The following TTC7B variants were observed in gnomAD, a reference collection of about 807,000 sequenced individuals.
The protein encoded by TTC7B is tetratricopeptide repeat domain 7B.
A neutral mutation model predicts 106.8 loss-of-function variants in TTC7B; 28 were observed. The observed-to-expected ratio is 0.26, with a 90% CI of 0.19 to 0.36. The LOEUF is 0.36. Ranked by LOEUF, TTC7B falls within the 10% of genes least tolerant of loss-of-function variation. The pLI is 1.00. For missense variants in TTC7B, 862 were observed against 1,076.4 expected, an observed-to-expected ratio of 0.80 and a Z score of 2.79; for synonymous variants, 405 against 430.6, an observed-to-expected ratio of 0.94 and a Z score of 0.74.
In TTC7B at chr14:90,757,284, A is replaced by G. The variant is rs1463643851; in HGVS notation, c.446-12362T>C. Among the ~76,000 whole-genome samples, 2 of 152,110 alleles carry G rather than the reference A, an allele frequency of 1.3e-5. No homozygotes were observed. Among genetic ancestry groups the G allele is most frequent in the African/African-American group, 4.8e-5 (2 of 41,414 alleles). ...ACCCGAAGTGATCTCAATGTTTCCA[A>G]AAATGAAAAGCAGTCCTGGCGCGGT... On this transcript the variant is annotated intron_variant, in intron 3 of 19. Transcript: ENST00000328459. The surrounding 1 kb of genome is among the most constrained non-coding windows in gnomAD (Gnocchi z 4.1).
chr14:90,762,314 T>G (rs1020819485), intron 3 of TTC7B, among the ~76,000 whole-genome samples: 2 of 152,210 alleles, frequency 1.3e-5, no homozygotes, highest in African/African-American at 4.8e-5. Context: ...GTGCCTCTGC[T>G]TGACCAAACC....
At position 90,534,919 on chromosome 14, in the gene TTC7B, T is replaced by A. The variant is rs1889380347; in HGVS notation, c.*6449A>T. 1 of 152,466 alleles carries A rather than the reference T, an allele frequency of 6.6e-6. No individual in the cohort carries two copies. The highest frequency in any genetic ancestry group is 1.9e-4 in the East Asian group (1 of 5,168). The allele number at this position is 152,466 out of a possible 1,614,324, so 9.4% of individuals were successfully genotyped here. On this transcript the variant is annotated 3_prime_UTR_variant, in exon 20 of 20. Coordinates refer to ENST00000328459, the MANE Select transcript of TTC7B (RefSeq NM_001010854.2). Reference sequence around the variant, plus strand: ...GCAGGCAGAGAGTCTGGGCCCGCAATGATGACTGTGTGGCCGCCGGGGAGA... The same window carrying A: ...GCAGGCAGAGAGTCTGGGCCCGCAAAGATGACTGTGTGGCCGCCGGGGAGA...
intron 5 of TTC7B, among the ~76,000 whole-genome samples, chr14:90,719,411 A>C (rs192738674): frequency 6.6e-6 from 1 of 152,370 alleles, no homozygotes; most frequent in Non-Finnish European, 1.5e-5. Flanking sequence ...CTGATTGATA[A>C]CTTGCAGCCA....
At chr14:90,555,279 C>T (rs138761036) in intron 19 of TTC7B, among the ~76,000 whole-genome samples, 19 of 152,196 alleles carry the variant, frequency 1.2e-4, no homozygotes, top group Non-Finnish European at 2.6e-4. Flanking sequence ...GTGACGCAGC[C>T]GACTTCCCTG....
At position 90,743,366 on chromosome 14, in the gene TTC7B, T is replaced by G. The variant is rs185526100; in HGVS notation, c.576+1426A>C. ...CACCAACACATGACAATATGATTTA[T>G]GAAAAAAAGTTACTTCCTGTCTGTT... On this transcript the variant is annotated intron_variant, in intron 4 of 19. Transcript: ENST00000328459. Among the ~76,000 whole-genome samples the G allele has an allele frequency of 3.9e-5, 6 of 152,204 alleles. No individual in the cohort carries two copies. The East Asian group carries it at 1.2e-3, about 29-fold the overall frequency.
At chr14:90,645,385 G>A (rs1490829029) in intron 14 of TTC7B, among the ~76,000 whole-genome samples, 1 of 152,214 alleles carries the variant, frequency 6.6e-6, no homozygotes, top group East Asian at 1.9e-4. Flanking sequence ...GTTACAGGGA[G>A]GAAGCTGAAG....
At chr14:90,795,172 A>G (rs1218484589) in intron 1 of TTC7B, among the ~76,000 whole-genome samples, 1 of 152,200 alleles carries the variant, frequency 6.6e-6, no homozygotes, top group East Asian at 1.9e-4. Flanking sequence ...TCCAGCCAAG[A>G]AAGAGTAATA....
intron 16 of TTC7B, among the ~76,000 whole-genome samples, chr14:90,611,850 A>G (rs1892889460): frequency 6.6e-6 from 1 of 152,192 alleles, no homozygotes; most frequent in South Asian, 2.1e-4. Flanking sequence ...GTATCGTGAT[A>G]TCCTATCAAA....
intron 2 of TTC7B, among the ~76,000 whole-genome samples, chr14:90,784,568 A>G (rs1389197618): frequency 6.6e-6 from 1 of 152,010 alleles, no homozygotes; most frequent in Non-Finnish European, 1.5e-5. Context: ...AAAAAAAAAA[A>G]ACATATGAGA....
At chr14:90,686,747 G>A (rs1287847331) in intron 7 of TTC7B, among the ~76,000 whole-genome samples, 3 of 152,148 alleles carry the variant, frequency 2.0e-5, no homozygotes. Flanking sequence ...AAAGAATAAT[G>A]CATATTTGCA....
intron 3 of TTC7B, among the ~76,000 whole-genome samples, chr14:90,770,213 T>A (rs933438540): frequency 6.6e-6 from 1 of 152,018 alleles, no homozygotes; most frequent in Non-Finnish European, 1.5e-5. Flanking sequence ...GTCAATACAG[T>A]AAGAAGATAC....
chr14:90,758,333 GGGCGGGGCGGGGCGC>G (rs1171175739), intron 3 of TTC7B, among the ~76,000 whole-genome samples: 2 of 147,282 alleles, frequency 1.4e-5, no homozygotes, highest in African/African-American at 5.0e-5. Flanking sequence ...CGGCGGGGCG[GGGCGGGGCGGGGCGC>G]GGCGGGGCGA....
intron 9 of TTC7B, among the ~76,000 whole-genome samples, chr14:90,667,339 G>A (rs549330760): frequency 5.3e-5 from 8 of 152,204 alleles, no homozygotes; most frequent in Non-Finnish European, 1.0e-4. Flanking sequence ...TGGAGACAAC[G>A]ACATAGCAGA....
intron 9 of TTC7B, among the ~76,000 whole-genome samples, chr14:90,667,852 C>T (rs79837267): frequency 0.036 from 5,535 of 152,200 alleles, 140 homozygotes; most frequent in Non-Finnish European, 0.054. Flanking sequence ...CATTCTCCCA[C>T]CTGTGAAAAG....
At chr14:90,812,629 C>T (rs2030959564) in intron 1 of TTC7B, among the ~76,000 whole-genome samples, 1 of 151,974 alleles carries the variant, frequency 6.6e-6, no homozygotes, top group South Asian at 2.1e-4. Context: ...CTGTCTCCCA[C>T]CCCCACCCTT....
intron 9 of TTC7B, chr14:90,675,892 T>G (rs1355840839): frequency 6.6e-6 from 1 of 152,228 alleles, no homozygotes; most frequent in East Asian, 1.9e-4. Context: ...TTTGATATTT[T>G]GGGCAGGAAC....
chr14:90,586,288 A>C (rs1891710805), intron 18 of TTC7B, among the ~76,000 whole-genome samples: 1 of 151,494 alleles, frequency 6.6e-6, no homozygotes, highest in Non-Finnish European at 1.5e-5. Flanking sequence ...TTCTTTTTTC[A>C]AGGTGGAGTT....
intron 5 of TTC7B, chr14:90,699,334 G>C: frequency 2.5e-6 from 1 of 403,152 alleles, no homozygotes; most frequent in Non-Finnish European, 4.8e-6. Context: ...ATTTCAGCTT[G>C]TAATGAGTGG....
intron 17 of TTC7B, among the ~76,000 whole-genome samples, chr14:90,601,658 C>T (rs1009982927): frequency 1.7e-4 from 26 of 152,160 alleles, no homozygotes; most frequent in African/African-American, 5.8e-4. Context: ...TGCAGGGGAG[C>T]GCCCCGGGTC....
Sources: allele counts gnomAD v4.1 joint callset (sites outside exome capture counted in the v4.1 genomes callset), GRCh38; gene constraint gnomAD v4.1.1; non-coding constraint Gnocchi (gnomAD v3.1); transcripts MANE v1.5; gene names NCBI Gene and HGNC (gene_info 2026-07-23, HGNC 2026-07-21).